The following TNFRSF11B variants were observed in gnomAD, a reference collection of about 807,000 sequenced individuals.
The protein encoded by TNFRSF11B is TNF receptor superfamily member 11b.
Under a neutral mutation model 43.4 loss-of-function variants are expected in TNFRSF11B, and 16 were observed. The ratio of observed to expected loss-of-function variants is 0.37; its 90% CI spans 0.25 to 0.56. The LOEUF (loss-of-function observed/expected upper bound fraction) is 0.56, where lower values mean the gene tolerates loss of function less well. Among genes scored for constraint, TNFRSF11B ranks in the 20% least tolerant of loss-of-function variants. The pLI, the probability that TNFRSF11B is intolerant of heterozygous loss-of-function variation, is 0.80. For synonymous variants in TNFRSF11B, 185 were observed against 181.8 expected, an observed-to-expected ratio of 1.02 and a Z score of -0.14; for missense variants, 444 against 490.1, an observed-to-expected ratio of 0.91 and a Z score of 0.89.
At chr8:118,946,405 G>A (rs1812561553) in intron 1 of TNFRSF11B, among the ~76,000 whole-genome samples, 1 of 151,994 alleles carries the variant, frequency 6.6e-6, no homozygotes, top group Non-Finnish European at 1.5e-5. Flanking sequence ...TTCTCTGCTA[G>A]TTACCCCAAA....
At chr8:118,946,057 A>C (rs896365222) in intron 1 of TNFRSF11B, among the ~76,000 whole-genome samples, 1 of 152,200 alleles carries the variant, frequency 6.6e-6, no homozygotes, top group Non-Finnish European at 1.5e-5. Context: ...TAAAGAGGTA[A>C]ATCAAAGCCA....
At chr8:118,944,623 A>G (rs1384109047) in intron 1 of TNFRSF11B, among the ~76,000 whole-genome samples, 3 of 151,442 alleles carry the variant, frequency 2.0e-5, no homozygotes, top group African/African-American at 4.9e-5. Context: ...TCTTTTTTTT[A>G]CATTTTTTAC....
In TNFRSF11B at chr8:118,924,336, C is replaced by T. The variant is rs1351994869; in HGVS notation, c.*38G>A. ...AACAGTTTACTCATCCATGGGATCT[C>T]GCCAATTGTGAGGAAACAGCTCAAT... On this transcript the variant is annotated 3_prime_UTR_variant, in exon 5 of 5. Coordinates refer to ENST00000297350, the MANE Select transcript of TNFRSF11B (RefSeq NM_002546.4). 7 of 1,611,534 alleles carry T rather than the reference C, an allele frequency of 4.3e-6. No individual in the cohort carries two copies. The highest frequency in any genetic ancestry group is 1.8e-4 in the Middle Eastern group (1 of 5,618).
chr8:118,928,491 G>A (rs1029643452), intron 3 of TNFRSF11B, among the ~76,000 whole-genome samples: 24 of 152,334 alleles, frequency 1.6e-4, no homozygotes, highest in African/African-American at 5.5e-4. Context: ...CTATGGGCAA[G>A]ATTTGATTTC....
chr8:118,941,901 A>C (rs1812492990), intron 1 of TNFRSF11B, among the ~76,000 whole-genome samples: 1 of 152,134 alleles, frequency 6.6e-6, no homozygotes, highest in Non-Finnish European at 1.5e-5. Flanking sequence ...ATCAGGTTTG[A>C]AAGCCAATTC....
At chr8:118,948,543 A>G (rs1319492810) in intron 1 of TNFRSF11B, among the ~76,000 whole-genome samples, 1 of 152,140 alleles carries the variant, frequency 6.6e-6, no homozygotes, top group African/African-American at 2.4e-5. Context: ...CTAACCGGAT[A>G]AACCATCTGG....
intron 1 of TNFRSF11B, among the ~76,000 whole-genome samples, chr8:118,951,520 TTCTC>T (rs10550502): frequency 1.7e-4 from 25 of 150,824 alleles, no homozygotes; most frequent in South Asian, 1.5e-3. Context: ...TCAAACAAGT[TTCTC>T]TCTCTCTCTC....
At chr8:118,945,063 T>G (rs555774401) in intron 1 of TNFRSF11B, among the ~76,000 whole-genome samples, 1 of 152,272 alleles carries the variant, frequency 6.6e-6, no homozygotes, top group South Asian at 2.1e-4. Flanking sequence ...ATATAAGTCA[T>G]ACTACCTACT....
chr8:118,944,516 G>T (rs1812531133), intron 1 of TNFRSF11B, among the ~76,000 whole-genome samples: 1 of 152,100 alleles, frequency 6.6e-6, no homozygotes, highest in African/African-American at 2.4e-5. Flanking sequence ...AGAAGAACTG[G>T]GAACAACTGG....
At chr8:118,926,374 AAT>A in intron 4 of TNFRSF11B, 118 bp downstream of exon 4, 1 of 981,318 alleles carries the variant, frequency 1.0e-6, no homozygotes, top group Non-Finnish European at 1.6e-6. Flanking sequence ...TCAGTCCAAC[AAT>A]GATTCCAACA....
At chr8:118,931,336 G>A (rs902539766) in intron 2 of TNFRSF11B, among the ~76,000 whole-genome samples, 4 of 152,230 alleles carry the variant, frequency 2.6e-5, no homozygotes, top group Middle Eastern at 3.4e-3. Flanking sequence ...AGTAAAATGT[G>A]TACTTTTGTT....
At chr8:118,938,263 G>A (rs527284665) in intron 1 of TNFRSF11B, among the ~76,000 whole-genome samples, 1 of 152,208 alleles carries the variant, frequency 6.6e-6, no homozygotes, top group African/African-American at 2.4e-5. Context: ...TTACAGGTGT[G>A]AGCCACCACA....
Position 118,924,230 on chromosome 8 carries a change from C to A in TNFRSF11B, c.*144G>T, listed in dbSNP as rs1468131981. 2.4e-6 allele frequency: 2 copies of A among 846,096 alleles called. No individual in the cohort carries two copies. The highest frequency in any genetic ancestry group is 3.9e-6 in the Non-Finnish European group (2 of 514,526). 52.4% of individuals were successfully genotyped at this position (846,096 alleles called of 1,614,324 possible). A position where few individuals can be genotyped will look rare whatever the true frequency, so the allele number is the denominator to read the frequency against. On this transcript the variant is annotated 3_prime_UTR_variant, in exon 5 of 5. Coordinates refer to ENST00000297350, the MANE Select transcript of TNFRSF11B (RefSeq NM_002546.4). Reference sequence around the variant, plus strand: ...GGAGATGTTAGTCCTTTCTCCACATCATAGTTTCTTTTAGTACCCTGTGGC... The same window carrying A: ...GGAGATGTTAGTCCTTTCTCCACATAATAGTTTCTTTTAGTACCCTGTGGC...
At chr8:118,936,006 A>G (rs1284412115) in intron 1 of TNFRSF11B, among the ~76,000 whole-genome samples, 1 of 152,214 alleles carries the variant, frequency 6.6e-6, no homozygotes, top group Non-Finnish European at 1.5e-5. Context: ...AAAACTCCAC[A>G]GATGGTGCCT....
intron 1 of TNFRSF11B, among the ~76,000 whole-genome samples, chr8:118,947,868 T>G (rs1812589819): frequency 6.6e-6 from 1 of 152,214 alleles, no homozygotes; most frequent in Non-Finnish European, 1.5e-5. Context: ...CCTAGTGGTG[T>G]GTTTATGGCA....
intron 1 of TNFRSF11B, among the ~76,000 whole-genome samples, chr8:118,936,230 T>C (rs1011462316): frequency 6.6e-6 from 1 of 152,158 alleles, no homozygotes; most frequent in African/African-American, 2.4e-5. Flanking sequence ...TTAGAGAGTA[T>C]GTTAATGAAG....
intron 2 of TNFRSF11B, among the ~76,000 whole-genome samples, chr8:118,932,682 A>G (rs1391303458): frequency 6.6e-6 from 1 of 150,528 alleles, no homozygotes; most frequent in Non-Finnish European, 1.5e-5. Flanking sequence ...AAAAACCATC[A>G]TGCATCTCAT....
At chr8:118,934,882 G>A (rs1044242057) in intron 1 of TNFRSF11B, among the ~76,000 whole-genome samples, 4 of 152,192 alleles carry the variant, frequency 2.6e-5, no homozygotes, top group African/African-American at 9.7e-5. Flanking sequence ...CAAAGATAAA[G>A]AATGGCCTTT....
At chr8:118,925,104 G>A (rs1490370372) in intron 4 of TNFRSF11B, among the ~76,000 whole-genome samples, 3 of 152,112 alleles carry the variant, frequency 2.0e-5, no homozygotes, top group Non-Finnish European at 4.4e-5. Flanking sequence ...CAGAAAAAAA[G>A]GAAAGTATTC....
Sources: gnomAD v4.1 joint callset for allele counts (sites outside exome capture counted in the v4.1 genomes callset) on GRCh38, gnomAD v4.1.1 for gene constraint, MANE v1.5 for transcripts, NCBI Gene and HGNC (gene_info 2026-07-23, HGNC 2026-07-21) for gene names.